The following NXPE2 variants were observed in gnomAD, a reference collection of about 807,000 sequenced individuals.
NXPE2 encodes the protein neurexophilin and PC-esterase domain family member 2.
Under a neutral mutation model 34.4 loss-of-function variants are expected in NXPE2, and 34 were observed. The observed-to-expected ratio is 0.99, with a 90% CI of 0.75 to 1.31. The LOEUF (loss-of-function observed/expected upper bound fraction) is 1.31. NXPE2 is among the 40% of genes most tolerant of loss of function. The probability of loss-of-function intolerance (pLI) is 0.00; values close to 1 mark genes in which losing one functional copy is unlikely to be tolerated. For synonymous variants in NXPE2, 235 were observed against 231.3 expected (o/e 1.02, Z -0.15); for missense variants, 649 against 672.5 (o/e 0.97, Z 0.39).
chr11:114,526,177 C>T, the NXPE2 span, among the ~76,000 whole-genome samples: 1 of 152,174 alleles, frequency 6.6e-6, no homozygotes, highest in Non-Finnish European at 1.5e-5. Context: ...AGCAAAGGAA[C>T]AGATTCTCCC....
the NXPE2 span, among the ~76,000 whole-genome samples, chr11:114,655,130 G>A: frequency 1.3e-5 from 2 of 150,000 alleles, no homozygotes; most frequent in Non-Finnish European, 3.0e-5. Context: ...CTTCTTTCGA[G>A]AAGTGTCTGT....
At chr11:114,507,301 T>A in the NXPE2 span, among the ~76,000 whole-genome samples, 189 of 149,184 alleles carry the variant, frequency 1.3e-3, no homozygotes, top group African/African-American at 4.4e-3. Flanking sequence ...CGGTGAATTC[T>A]ACCAGATGTA....
At chr11:114,568,985 A>G in the NXPE2 span, among the ~76,000 whole-genome samples, 6 of 152,218 alleles carry the variant, frequency 3.9e-5, no homozygotes, top group Admixed American at 3.3e-4. Flanking sequence ...ATTTAAAAAA[A>G]AATGTTGACC....
the NXPE2 span, among the ~76,000 whole-genome samples, chr11:114,802,399 A>AACTT: frequency 6.6e-6 from 1 of 152,172 alleles, no homozygotes; most frequent in Non-Finnish European, 1.5e-5. Context: ...TCTTCCTCCC[A>AACTT]ACTTAAGTGT....
At chr11:114,765,987 C>T in the NXPE2 span, among the ~76,000 whole-genome samples, 1 of 152,186 alleles carries the variant, frequency 6.6e-6, no homozygotes, top group Non-Finnish European at 1.5e-5. Flanking sequence ...CTCCAATGAA[C>T]TCATTCAAAC....
intron 2 of NXPE2, among the ~76,000 whole-genome samples, chr11:114,682,943 A>T (rs1950974537): frequency 1.3e-5 from 2 of 152,084 alleles, no homozygotes; most frequent in South Asian, 4.1e-4. Flanking sequence ...AACCCGTGAG[A>T]TGCAATAAAA....
At chr11:114,807,039 A>C in the NXPE2 span, among the ~76,000 whole-genome samples, 1 of 152,064 alleles carries the variant, frequency 6.6e-6, no homozygotes, top group Admixed American at 6.5e-5. Context: ...CCAATATTCA[A>C]AATTCTTAAA....
At chr11:114,718,511 C>A in the NXPE2 span, among the ~76,000 whole-genome samples, 2 of 152,102 alleles carry the variant, frequency 1.3e-5, no homozygotes, top group Non-Finnish European at 2.9e-5. Flanking sequence ...TGTCACAATG[C>A]CTAATTTTAA....
chr11:114,766,398 T>C, the NXPE2 span, among the ~76,000 whole-genome samples: 1 of 152,168 alleles, frequency 6.6e-6, no homozygotes, highest in African/African-American at 2.4e-5. Flanking sequence ...TTCATCCAAC[T>C]ACTCACTGAC....
chr11:114,490,791 G>A, the NXPE2 span, among the ~76,000 whole-genome samples: 1 of 152,200 alleles, frequency 6.6e-6, no homozygotes, highest in Admixed American at 6.5e-5. Flanking sequence ...CATAGGCATG[G>A]GCAAGGACTT....
the NXPE2 span, among the ~76,000 whole-genome samples, chr11:114,647,407 T>C: frequency 6.6e-6 from 1 of 152,192 alleles, no homozygotes; most frequent in Non-Finnish European, 1.5e-5. Context: ...AAAAGTTTGA[T>C]AGCTGTCACT....
chr11:114,669,511 C>T, the NXPE2 span, among the ~76,000 whole-genome samples: 3 of 152,026 alleles, frequency 2.0e-5, no homozygotes, highest in Admixed American at 2.0e-4. Context: ...GCTTAGAAGT[C>T]CTGGACTCTC....
the NXPE2 span, among the ~76,000 whole-genome samples, chr11:114,752,518 A>G: frequency 1.3e-5 from 2 of 152,228 alleles, no homozygotes; most frequent in Non-Finnish European, 1.5e-5. Flanking sequence ...CATTGAGCAA[A>G]TATAAATAGT....
chr11:114,766,591 T>C, the NXPE2 span, among the ~76,000 whole-genome samples: 1 of 151,792 alleles, frequency 6.6e-6, no homozygotes, highest in African/African-American at 2.4e-5. Flanking sequence ...CTCCCTTCTC[T>C]GTTCCTTCTT....
the NXPE2 span, among the ~76,000 whole-genome samples, chr11:114,774,499 G>T: frequency 6.6e-6 from 1 of 152,208 alleles, no homozygotes; most frequent in Middle Eastern, 3.2e-3. Context: ...TTGGTTATCC[G>T]CCGGGACGGT....
chr11:114,540,922 C>T, the NXPE2 span, among the ~76,000 whole-genome samples: 1 of 125,180 alleles, frequency 8.0e-6, no homozygotes, highest in Non-Finnish European at 1.6e-5. Flanking sequence ...TGCAGCAACA[C>T]AGTCACTGGA....
the NXPE2 span, among the ~76,000 whole-genome samples, chr11:114,569,498 A>C: frequency 6.6e-6 from 1 of 152,172 alleles, no homozygotes; most frequent in Non-Finnish European, 1.5e-5. Flanking sequence ...AGAATGACTG[A>C]TATTCTGGCT....
the NXPE2 span, among the ~76,000 whole-genome samples, chr11:114,540,050 C>T: frequency 6.6e-6 from 1 of 152,030 alleles, no homozygotes; most frequent in Non-Finnish European, 1.5e-5. Context: ...TAAATAAGAC[C>T]TCCAAAGCGA....
chr11:114,471,351 A>AAAGAAC, the NXPE2 span, among the ~76,000 whole-genome samples: 1 of 152,130 alleles, frequency 6.6e-6, no homozygotes, highest in African/African-American at 2.4e-5. Flanking sequence ...GCATATGGGT[A>AAAGAAC]TTTAGTTCTT....
Sources: gnomAD v4.1 joint callset for allele counts (sites outside exome capture counted in the v4.1 genomes callset) on GRCh38, gnomAD v4.1.1 for gene constraint, MANE v1.5 for transcripts, NCBI Gene and HGNC (gene_info 2026-07-23, HGNC 2026-07-21) for gene names.